The following AGBL1 variants were observed in gnomAD, a reference collection of about 807,000 sequenced individuals.
The protein encoded by AGBL1 is AGBL carboxypeptidase 1.
AGBL1 carries 130 observed loss-of-function variants against 118.9 expected under a neutral mutation model. The ratio of observed to expected loss-of-function variants is 1.09; its 90% CI spans 0.95 to 1.26. The LOEUF is 1.26. Among genes scored for constraint, AGBL1 ranks in the 50% most tolerant of loss-of-function variants. The probability of loss-of-function intolerance (pLI) is 0.00; values close to 1 mark genes in which losing one functional copy is unlikely to be tolerated. For missense variants in AGBL1, 1,584 were observed against 1,298.1 expected (o/e 1.22, Z -3.38); for synonymous variants, 555 against 478.9 (o/e 1.16, Z -2.08).
intron 22 of AGBL1, among the ~76,000 whole-genome samples, chr15:86,806,597 C>T (rs1347478408): frequency 6.6e-6 from 1 of 152,062 alleles, no homozygotes; most frequent in Non-Finnish European, 1.5e-5. Flanking sequence ...CTTAAGCAAG[C>T]TTCTTAACCT....
At chr15:86,795,916 C>A (rs1300762358) in intron 22 of AGBL1, among the ~76,000 whole-genome samples, 2 of 151,516 alleles carry the variant, frequency 1.3e-5, no homozygotes, top group African/African-American at 4.8e-5. Context: ...GCCCAGAAGG[C>A]ACACAATAAG....
chr15:86,147,672 G>A (rs763761676), intron 3 of AGBL1, among the ~76,000 whole-genome samples: 13 of 152,178 alleles, frequency 8.5e-5, no homozygotes, highest in South Asian at 4.1e-4. Flanking sequence ...CACTTCTATC[G>A]GCAAGGCATA....
chr15:86,581,229 C>T (rs371189910), intron 21 of AGBL1, among the ~76,000 whole-genome samples: 49 of 152,018 alleles, frequency 3.2e-4, no homozygotes, highest in Non-Finnish European at 4.6e-4. Context: ...ACAATATATA[C>T]GACATTTAAG....
At chr15:86,336,768 G>C (rs2080375988) in intron 17 of AGBL1, among the ~76,000 whole-genome samples, 1 of 152,194 alleles carries the variant, frequency 6.6e-6, no homozygotes, top group Non-Finnish European at 1.5e-5. Context: ...AGACTTAATG[G>C]GGGCTTTTCA....
chr15:86,402,613 T>C (rs1294003102), intron 18 of AGBL1, among the ~76,000 whole-genome samples: 4 of 152,170 alleles, frequency 2.6e-5, no homozygotes, highest in Admixed American at 6.6e-5. Context: ...AAACCTGAAC[T>C]TGGCACTTAG....
At chr15:86,234,396 C>T (rs1160972349) in intron 6 of AGBL1, among the ~76,000 whole-genome samples, 5 of 151,814 alleles carry the variant, frequency 3.3e-5, no homozygotes, top group African/African-American at 9.7e-5. Flanking sequence ...ACTAAAAATA[C>T]AAAAATTAGC....
chr15:86,444,993 G>A (rs1338128593), intron 18 of AGBL1, among the ~76,000 whole-genome samples: 2 of 152,164 alleles, frequency 1.3e-5, no homozygotes, highest in Admixed American at 6.6e-5. Context: ...ATCTGGTGGG[G>A]TGGGTGCTTA....
At chr15:86,322,951 T>C (rs1038587969) in intron 17 of AGBL1, among the ~76,000 whole-genome samples, 8 of 152,148 alleles carry the variant, frequency 5.3e-5, no homozygotes, top group African/African-American at 1.9e-4. Flanking sequence ...TTTGCAGTGG[T>C]CTATTAAATT....
At chr15:86,994,307 C>CTA (rs1417627571) in intron 24 of AGBL1, among the ~76,000 whole-genome samples, 43 of 144,310 alleles carry the variant, frequency 3.0e-4, no homozygotes, top group African/African-American at 1.3e-3. Context: ...ATATCTCTCT[C>CTA]TCTCTATATA....
At chr15:86,388,993 A>T (rs2081238017) in intron 17 of AGBL1, among the ~76,000 whole-genome samples, 1 of 152,206 alleles carries the variant, frequency 6.6e-6, no homozygotes, top group Non-Finnish European at 1.5e-5. Flanking sequence ...ACATGGCATG[A>T]ATTTAAAGGA....
intron 5 of AGBL1, among the ~76,000 whole-genome samples, chr15:86,187,371 T>C (rs1160429067): frequency 6.6e-6 from 1 of 152,208 alleles, no homozygotes; most frequent in Non-Finnish European, 1.5e-5. Flanking sequence ...GAGTTCTGAC[T>C]TGAAACTTCT....
At chr15:86,618,008 G>A (rs912065402) in intron 21 of AGBL1, among the ~76,000 whole-genome samples, 2 of 152,088 alleles carry the variant, frequency 1.3e-5, no homozygotes, top group African/African-American at 4.8e-5. Flanking sequence ...TAGAAACTGA[G>A]CAGGGCTTCC....
intron 2 of AGBL1, among the ~76,000 whole-genome samples, chr15:86,142,707 A>G (rs780068034): frequency 6.6e-6 from 1 of 152,166 alleles, no homozygotes; most frequent in Non-Finnish European, 1.5e-5. Context: ...GGCCCATTGT[A>G]TTGGGGTCTT....
At chr15:86,125,674 T>C (rs957865000) in intron 1 of AGBL1, among the ~76,000 whole-genome samples, 3 of 152,160 alleles carry the variant, frequency 2.0e-5, no homozygotes, top group Admixed American at 6.5e-5. Context: ...AATTTAAAAC[T>C]CATCCCTCTT....
chr15:86,938,075 T>TG (rs397730729), intron 23 of AGBL1, among the ~76,000 whole-genome samples: 3 of 151,990 alleles, frequency 2.0e-5, no homozygotes, highest in South Asian at 2.1e-4. Flanking sequence ...ACTACTTTTT[T>TG]GGGGTGCAGC....
chr15:86,684,069 T>C (rs907887045), intron 22 of AGBL1, among the ~76,000 whole-genome samples: 5 of 151,844 alleles, frequency 3.3e-5, no homozygotes, highest in African/African-American at 1.2e-4. Flanking sequence ...GTAAATACAA[T>C]AGTGAAGGCA....
chr15:86,981,862 G>A (rs752871211), intron 23 of AGBL1, among the ~76,000 whole-genome samples: 1 of 152,188 alleles, frequency 6.6e-6, no homozygotes, highest in African/African-American at 2.4e-5. Context: ...TATGGCACAA[G>A]AGGCACAGAG....
chr15:86,181,846 T>C (rs2077557011), intron 5 of AGBL1, among the ~76,000 whole-genome samples: 1 of 152,106 alleles, frequency 6.6e-6, no homozygotes, highest in South Asian at 2.1e-4. Flanking sequence ...ATTATTAAAA[T>C]TAAATGAAAA....
chr15:86,377,914 C>T (rs112061750), intron 17 of AGBL1, among the ~76,000 whole-genome samples: 3,554 of 152,224 alleles, frequency 0.023, 58 homozygotes, highest in Middle Eastern at 0.065. Flanking sequence ...ACATATCCTG[C>T]TGTGGTCCTC....
Sources: gnomAD v4.1 joint callset for allele counts (sites outside exome capture counted in the v4.1 genomes callset) on GRCh38, gnomAD v4.1.1 for gene constraint, MANE v1.5 for transcripts, NCBI Gene and HGNC (gene_info 2026-07-23, HGNC 2026-07-21) for gene names.